Variants in NR3C1 observed in about 807,000 individuals in gnomAD.
The protein encoded by NR3C1 is glucocorticoid receptor.
NR3C1 carries 14 observed loss-of-function variants against 74.0 expected under a neutral mutation model. The ratio of observed to expected loss-of-function variants is 0.19; its 90% CI spans 0.12 to 0.30. The LOEUF (loss-of-function observed/expected upper bound fraction) is 0.30, where lower values mean the gene tolerates loss of function less well. NR3C1 is among the 10% of genes least tolerant of loss of function. NR3C1 has a pLI of 1.00. For missense variants in NR3C1, 695 were observed against 909.8 expected (o/e 0.76, Z 3.04); for synonymous variants, 308 against 332.5 (o/e 0.93, Z 0.80).
chr5:143,294,218 T>C (rs560983543), intron 7 of NR3C1: 2 of 985,252 alleles, frequency 2.0e-6, no homozygotes, highest in South Asian at 4.7e-5. Flanking sequence ...CTTACAGTTA[T>C]TTGGCAACTA....
chr5:143,428,382 A>T (rs1311866956), intron 1 of NR3C1, among the ~76,000 whole-genome samples: 1 of 152,196 alleles, frequency 6.6e-6, no homozygotes, highest in Non-Finnish European at 1.5e-5. Context: ...GAGCTTCTGT[A>T]ATTCAGGTCA....
rs555578321 is a variant in NR3C1, at chr5:143,281,482, G to T, written c.*407C>A. 92 of 229,272 alleles carry T rather than the reference G, an allele frequency of 4.0e-4. No homozygotes were observed. The highest frequency in any genetic ancestry group is 2.1e-3 in the African/African-American group (91 of 42,876). The allele number at this position is 229,272 out of a possible 1,614,324, so 14.2% of individuals were successfully genotyped here. A position where few individuals can be genotyped will look rare whatever the true frequency, so the allele number is the denominator to read the frequency against. The stretch of plus-strand genomic sequence containing the variant: ...AAAAATGCTATCCTAACTATACAGG[G>T]GGGGGATACACCAACAGAAAGTCTA... On this transcript the variant is annotated 3_prime_UTR_variant, in exon 9 of 9. Coordinates refer to ENST00000394464, the MANE Select transcript of NR3C1 (RefSeq NM_000176.3).
In NR3C1 at chr5:143,400,160, G is replaced by T; in HGVS notation, c.680C>A (p.Pro227His). The T allele has an allele frequency of 6.2e-7, 1 of 1,614,104 alleles. No homozygotes were observed. The highest frequency in any genetic ancestry group is 1.3e-5 in the African/African-American group (1 of 75,020). The change falls in exon 2 of 9, where the codon CCT (proline) becomes CAT (histidine). Residue 227 changes from proline to histidine, a missense_variant. Coordinates refer to ENST00000394464, the MANE Select transcript of NR3C1 (RefSeq NM_000176.3). ...LLIDENCLLSPLAGEDDSFLL... is the reference protein window; with the variant it reads ...LLIDENCLLSHLAGEDDSFLL... ...GAATGAATCGTCTTCTCCCGCCAGA[G>T]GAGAAAGCAAACAGTTTTCATCTAT...
intron 2 of NR3C1, chr5:143,376,022 A>G (rs1835129690): frequency 6.6e-6 from 1 of 152,158 alleles, no homozygotes; most frequent in African/African-American, 2.4e-5. Context: ...TCTCAATGTT[A>G]TTTAGCTTTC....
chr5:143,399,740 C>T lies in NR3C1; in HGVS notation c.1100G>A (p.Cys367Tyr), dbSNP rs1017184929. The T allele has an allele frequency of 2.5e-6, 4 of 1,614,032 alleles. No homozygotes were observed. Among genetic ancestry groups the T allele is most frequent in the Non-Finnish European group, 3.4e-6 (4 of 1,180,018 alleles). The change falls in exon 2 of 9, where the codon TGC becomes TAC. Residue 367 changes from cysteine (C) to tyrosine (Y), a missense_variant. This residue lies in a region of NR3C1 where 497 missense variants were observed against 489.5 expected (regional missense o/e 1.02). Transcript: ENST00000394464. ...CAAGTTGTCATCTCCAGATCCTTGG[C>T]ACCTATTCCAATTTTCGGAACCAAC... ...IPVGSENWNR[C>Y]QGSGDDNLTS...
chr5:143,324,500 C>T (rs929127927), intron 2 of NR3C1, among the ~76,000 whole-genome samples: 11 of 152,168 alleles, frequency 7.2e-5, no homozygotes, highest in East Asian at 1.9e-4. Context: ...GCCTGGCCCA[C>T]GAAACCACTT....
chr5:143,314,585 T>C (rs1398992249), intron 2 of NR3C1, among the ~76,000 whole-genome samples: 2 of 152,174 alleles, frequency 1.3e-5, no homozygotes, highest in Admixed American at 6.5e-5. Flanking sequence ...GATATTTCCA[T>C]CATCCCAAAA....
chr5:143,407,782 AT>A (rs905923839), upstream of NR3C1, among the ~76,000 whole-genome samples: 10 of 152,184 alleles, frequency 6.6e-5, no homozygotes, highest in Admixed American at 5.9e-4. Flanking sequence ...CACTAAAATA[AT>A]CCAAGCTGTA....
chr5:143,350,003 G>C (rs1217996163), intron 2 of NR3C1, among the ~76,000 whole-genome samples: 1 of 152,094 alleles, frequency 6.6e-6, no homozygotes, highest in Non-Finnish European at 1.5e-5. Flanking sequence ...TTAGACGTGA[G>C]GTGAAGTATA....
At chr5:143,312,997 T>A (rs1269599563) in intron 3 of NR3C1, among the ~76,000 whole-genome samples, 1 of 152,212 alleles carries the variant, frequency 6.6e-6, no homozygotes, top group Non-Finnish European at 1.5e-5. Context: ...AATTTGCTAA[T>A]GTATTAAAAA....
At chr5:143,434,574 C>T in exon 1 of NR3C1, 1 of 985,406 alleles carries the variant, frequency 1.0e-6, no homozygotes, top group Non-Finnish European at 1.2e-6. Flanking sequence ...CTTCTTTGTT[C>T]TTTGAGGAAA....
intron 2 of NR3C1, among the ~76,000 whole-genome samples, chr5:143,344,912 C>G (rs1178971268): frequency 1.3e-5 from 2 of 151,950 alleles, no homozygotes; most frequent in Admixed American, 6.6e-5. Flanking sequence ...AGAAAAAAAA[C>G]TGATGCCTGC....
intron 2 of NR3C1, among the ~76,000 whole-genome samples, chr5:143,361,261 G>A (rs1451487029): frequency 6.6e-6 from 1 of 151,848 alleles, no homozygotes; most frequent in Admixed American, 6.6e-5. Context: ...ACCTTGGTCT[G>A]GATTACAGCA....
intron 7 of NR3C1, among the ~76,000 whole-genome samples, chr5:143,289,691 A>C (rs1359704527): frequency 6.6e-6 from 1 of 152,348 alleles, no homozygotes; most frequent in African/African-American, 2.4e-5. Context: ...CAGTTAAAAA[A>C]TGGGCAAAAG....
chr5:143,285,055 CAA>C (rs1360933915), intron 7 of NR3C1, among the ~76,000 whole-genome samples: 1 of 132,028 alleles, frequency 7.6e-6, no homozygotes, highest in Non-Finnish European at 1.6e-5. Flanking sequence ...AGGAGGTACA[CAA>C]AGAAAGGCCT....
At chr5:143,327,790 T>C (rs946579950) in intron 2 of NR3C1, among the ~76,000 whole-genome samples, 1 of 152,230 alleles carries the variant, frequency 6.6e-6, no homozygotes, top group African/African-American at 2.4e-5. Context: ...GGGTGGGCTT[T>C]CATACCCTTG....
chr5:143,278,991 T>C lies in NR3C1; in HGVS notation c.*2898A>G, dbSNP rs1237208982. 3 of 230,726 alleles carry C rather than the reference T, an allele frequency of 1.3e-5. No individual in the cohort carries two copies. The highest frequency in any genetic ancestry group is 7.1e-5 in the African/African-American group (3 of 42,294). The allele number at this position is 230,726 out of a possible 1,614,324, so 14.3% of individuals were successfully genotyped here. A position where few individuals can be genotyped will look rare whatever the true frequency, so the allele number is the denominator to read the frequency against. On this transcript the variant is annotated 3_prime_UTR_variant, in exon 9 of 9. Coordinates refer to ENST00000394464, the MANE Select transcript of NR3C1 (RefSeq NM_000176.3). ...CCTAAGTGCCTCAGTTCTGCTTGTA[T>C]AGTATCCCACAGAATACCTACAAAC...
At position 143,433,422 on chromosome 5, in the gene NR3C1, TTA is replaced by T. The variant is rs527264357; in HGVS notation, c.-14+1108_-14+1109del. ...TATATATATAATTTATTTATTTAAA[TTA>T]TATATATATATAATTTATTTATTTA... On this transcript the variant is annotated intron_variant, in intron 1 of 8. Coordinates refer to the NR3C1 transcript ENST00000343796. Among the ~76,000 whole-genome samples the T allele has an allele frequency of 8.8e-3, 1,204 of 137,292 alleles. 10 individuals are homozygous for T. The highest frequency in any genetic ancestry group is 0.043 in the East Asian group (205 of 4,810). 90.1% of individuals were successfully genotyped at this position (137,292 alleles called of 152,430 possible). A position where few individuals can be genotyped will look rare whatever the true frequency, so the allele number is the denominator to read the frequency against.
At chr5:143,330,379 C>A (rs1372626820) in intron 2 of NR3C1, among the ~76,000 whole-genome samples, 1 of 152,066 alleles carries the variant, frequency 6.6e-6, no homozygotes. Flanking sequence ...CATTTATAAG[C>A]AAAATAATAG....
Sources: gnomAD v4.1 joint callset for allele counts (sites outside exome capture counted in the v4.1 genomes callset) on GRCh38, gnomAD v4.1.1 for gene constraint, gnomAD v4.1.1 regional missense constraint, MANE v1.5 for transcripts, NCBI Gene and HGNC (gene_info 2026-07-23, HGNC 2026-07-21) for gene names.